Variants in ULK4 observed in about 807,000 individuals in gnomAD.
The protein encoded by ULK4 is unc-51 like kinase 4, also known as inactive serine/threonine-protein kinase ULK4.
A neutral mutation model predicts 160.6 loss-of-function variants in ULK4; 133 were observed. The ratio of observed to expected loss-of-function variants is 0.83; its 90% CI spans 0.72 to 0.96. The LOEUF is 0.96. Among genes scored for constraint, ULK4 ranks in the 40% least tolerant of loss-of-function variants. The pLI is 0.00. For synonymous variants in ULK4, 534 were observed against 539.8 expected (o/e 0.99, Z 0.15); for missense variants, 1,580 against 1,499.5 (o/e 1.05, Z -0.89).
chr3:41,725,181 A>T (rs1383862984), intron 22 of ULK4, among the ~76,000 whole-genome samples: 1 of 152,238 alleles, frequency 6.6e-6, no homozygotes. Context: ...CAGTCTACAC[A>T]AAAGTCATGA....
At chr3:41,669,950 C>T (rs978066014) in intron 29 of ULK4, among the ~76,000 whole-genome samples, 3 of 152,104 alleles carry the variant, frequency 2.0e-5, no homozygotes, top group Non-Finnish European at 4.4e-5. Context: ...TAGAATGGAG[C>T]AGGAAGATAT....
At chr3:41,900,311 G>A (rs1698306979) in intron 13 of ULK4, among the ~76,000 whole-genome samples, 2 of 152,072 alleles carry the variant, frequency 1.3e-5, no homozygotes, top group African/African-American at 2.4e-5. Flanking sequence ...AGCCTGGTAA[G>A]CAGTGCCCTC....
At chr3:41,509,849 A>T (rs935645939) in intron 32 of ULK4, among the ~76,000 whole-genome samples, 1 of 152,224 alleles carries the variant, frequency 6.6e-6, no homozygotes, top group Non-Finnish European at 1.5e-5. Context: ...CAAATCCTTG[A>T]AATACACCAA....
At chr3:41,922,456 C>T (rs921264145) in intron 5 of ULK4, among the ~76,000 whole-genome samples, 4 of 151,012 alleles carry the variant, frequency 2.6e-5, no homozygotes, top group East Asian at 1.9e-4. Flanking sequence ...CACTGCAAGA[C>T]GAAGGAAAGG....
At chr3:41,636,601 TG>T (rs932372299) in intron 30 of ULK4, among the ~76,000 whole-genome samples, 10 of 151,882 alleles carry the variant, frequency 6.6e-5, no homozygotes, top group Middle Eastern at 3.4e-3. Context: ...TTTTTATTGT[TG>T]TTTTTTTTTA....
chr3:41,547,385 G>T (rs1049033823), intron 32 of ULK4, among the ~76,000 whole-genome samples: 1 of 152,154 alleles, frequency 6.6e-6, no homozygotes. Context: ...GAACATCTGA[G>T]GCACAGAAAG....
chr3:41,248,381 G>A (rs2078683789), intron 36 of ULK4, among the ~76,000 whole-genome samples: 1 of 152,158 alleles, frequency 6.6e-6, no homozygotes, highest in South Asian at 2.1e-4. Context: ...AGGTGTGAAG[G>A]GGCTTTTTGC....
intron 1 of ULK4, among the ~76,000 whole-genome samples, chr3:41,958,197 A>G (rs1700547952): frequency 6.6e-6 from 1 of 152,210 alleles, no homozygotes. Context: ...TAGTTAAAAC[A>G]TGGAAGCAAC....
intron 31 of ULK4, among the ~76,000 whole-genome samples, chr3:41,576,324 G>A (rs569554878): frequency 1.3e-5 from 2 of 152,286 alleles, no homozygotes; most frequent in South Asian, 4.1e-4. Context: ...ACTTTCCTGT[G>A]CCTGCCTGCA....
At chr3:41,691,789 T>C (rs1325851949) in intron 27 of ULK4, among the ~76,000 whole-genome samples, 1 of 151,790 alleles carries the variant, frequency 6.6e-6, no homozygotes, top group Non-Finnish European at 1.5e-5. Context: ...TGCAGTCTGA[T>C]ACATGATGAA....
Position 41,533,856 on chromosome 3 carries a change from G to A in ULK4, c.3226+32169C>T, listed in dbSNP as rs539926643. On this transcript the variant is annotated intron_variant, in intron 32 of 36. Coordinates refer to ENST00000301831, the MANE Select transcript of ULK4 (RefSeq NM_017886.4). ...GGAGTCTCGCTCTTTCGCCCAGGCC[G>A]GACTGCAGTGGCGCGATCTTGGCTC... 3.7e-4 allele frequency among the ~76,000 whole-genome samples: 56 copies of A among 152,228 alleles called. No homozygotes were observed. In the East Asian group the frequency reaches 6.8e-3, roughly 18 times the overall value.
Position 41,398,268 on chromosome 3 carries a change from A to C in ULK4, c.3493-4T>G. 6.2e-7 allele frequency: 1 copy of C among 1,610,588 alleles called. No individual in the cohort carries two copies. Among genetic ancestry groups the C allele is most frequent in the Non-Finnish European group, 8.5e-7 (1 of 1,178,896 alleles). ...TCTCAGGATCTTCATTAGGAAGCTGAAAATTAACAAATAAGACTATTTAAA... is the reference window on the plus strand; with the variant it reads ...TCTCAGGATCTTCATTAGGAAGCTGCAAATTAACAAATAAGACTATTTAAA... On this transcript the variant is annotated splice_region_variant and splice_polypyrimidine_tract_variant and intron_variant, in intron 34 of 36. Transcript: ENST00000301831.
chr3:41,756,842 T>C (rs901822549), intron 21 of ULK4, among the ~76,000 whole-genome samples: 1 of 152,120 alleles, frequency 6.6e-6, no homozygotes, highest in Admixed American at 6.5e-5. Context: ...AGCTCTAAGA[T>C]TTAAAAAATA....
Position 41,457,519 on chromosome 3 carries a change from C to A in ULK4, c.3394-1924G>T, listed in dbSNP as rs148199533. Among the ~76,000 whole-genome samples the A allele has an allele frequency of 7.9e-5, 12 of 152,282 alleles. No homozygotes were observed. In the East Asian group the frequency reaches 2.3e-3, roughly 29 times the overall value. On this transcript the variant is annotated intron_variant, in intron 33 of 36. Coordinates refer to ENST00000301831, the MANE Select transcript of ULK4 (RefSeq NM_017886.4). The stretch of plus-strand genomic sequence containing the variant: ...AAGACATTAGAAATTCCACTCTCCC[C>A]ACAAAAGTACTGGCCCACAAAGGAA...
intron 2 of ULK4, among the ~76,000 whole-genome samples, chr3:41,939,826 G>A (rs1268800252): frequency 6.6e-6 from 1 of 152,118 alleles, no homozygotes; most frequent in Non-Finnish European, 1.5e-5. Context: ...AGTGGCATTA[G>A]ATTCTCACAG....
intron 5 of ULK4, among the ~76,000 whole-genome samples, chr3:41,922,552 T>C (rs1399850645): frequency 4.4e-5 from 6 of 136,840 alleles, no homozygotes; most frequent in South Asian, 2.3e-4. Flanking sequence ...ACACAACAAG[T>C]GCAGGAAATC....
At chr3:41,553,524 T>C (rs1211999466) in intron 32 of ULK4, among the ~76,000 whole-genome samples, 2 of 152,026 alleles carry the variant, frequency 1.3e-5, no homozygotes, top group African/African-American at 4.8e-5. Context: ...AAAATGCAAA[T>C]CAAACCCACA....
At chr3:41,644,588 G>A (rs1417296731) in intron 30 of ULK4, among the ~76,000 whole-genome samples, 33 of 151,186 alleles carry the variant, frequency 2.2e-4, no homozygotes, top group East Asian at 1.6e-3. Context: ...TGCTGGATTC[G>A]GTTTGCCAGT....
intron 30 of ULK4, among the ~76,000 whole-genome samples, chr3:41,621,884 C>T (rs1028970072): frequency 6.6e-6 from 1 of 152,030 alleles, no homozygotes. Flanking sequence ...GTCTAACAGC[C>T]AGAATCTACA....
Sources: allele counts gnomAD v4.1 joint callset (sites outside exome capture counted in the v4.1 genomes callset), GRCh38; gene constraint gnomAD v4.1.1; transcripts MANE v1.5; gene names NCBI Gene and HGNC (gene_info 2026-07-23, HGNC 2026-07-21).